FBXL4: variants seen among roughly 807,000 people sequenced by gnomAD.
The protein encoded by FBXL4 is F-box/LRR-repeat protein 4.
FBXL4 carries 40 observed loss-of-function variants against 58.9 expected under a neutral mutation model. The ratio of observed to expected loss-of-function variants is 0.68; its 90% CI spans 0.53 to 0.88. FBXL4 has a LOEUF of 0.88. Among genes scored for constraint, FBXL4 ranks in the 40% least tolerant of loss-of-function variants. FBXL4 has a pLI of 0.00. For synonymous variants in FBXL4, 263 were observed against 265.5 expected, an observed-to-expected ratio of 0.99 and a Z score of 0.09; for missense variants, 676 against 734.4, an observed-to-expected ratio of 0.92 and a Z score of 0.92.
chr6:98,883,801 A>G (rs989599603), intron 7 of FBXL4, among the ~76,000 whole-genome samples: 2 of 150,928 alleles, frequency 1.3e-5, no homozygotes, highest in African/African-American at 2.4e-5. Flanking sequence ...ATTATACTTC[A>G]TAAGTCTTTA....
intron 1 of FBXL4, among the ~76,000 whole-genome samples, chr6:98,939,794 GA>G (rs1247645968): frequency 6.6e-6 from 1 of 152,232 alleles, no homozygotes; most frequent in Non-Finnish European, 1.5e-5. Context: ...CACTAAGCAT[GA>G]TGAAAAATAC....
intron 9 of FBXL4, chr6:98,875,182 T>C (rs937531978): frequency 1.2e-5 from 6 of 521,500 alleles, no homozygotes; most frequent in Non-Finnish European, 2.0e-5. Context: ...TTATAGTTTT[T>C]TACAGTTTCA....
intron 8 of FBXL4, among the ~76,000 whole-genome samples, chr6:98,877,561 C>T (rs1159298596): frequency 6.6e-6 from 1 of 152,170 alleles, no homozygotes; most frequent in Non-Finnish European, 1.5e-5. Flanking sequence ...CAACCTATCC[C>T]TCCTTTATTA....
chr6:98,892,449 T>C (rs1771264583), intron 7 of FBXL4, among the ~76,000 whole-genome samples: 1 of 152,226 alleles, frequency 6.6e-6, no homozygotes, highest in South Asian at 2.1e-4. Flanking sequence ...CTGCAATGGC[T>C]CTTTTAAAAG....
At chr6:98,908,087 G>A (rs1025361861) in intron 5 of FBXL4, among the ~76,000 whole-genome samples, 1 of 152,108 alleles carries the variant, frequency 6.6e-6, no homozygotes. Flanking sequence ...ACCTGTTGAT[G>A]TGTAAAATAT....
intron 4 of FBXL4, 148 bp from the exon 5 acceptor site, chr6:98,917,867 T>C (rs935275334): frequency 1.9e-5 from 10 of 529,766 alleles, no homozygotes; most frequent in Admixed American, 1.8e-4. Flanking sequence ...TCCCAAGATA[T>C]AAAAAACTTT....
chr6:98,905,578 A>G lies in FBXL4; in HGVS notation c.951T>C (p.Pro317=), dbSNP rs1771776236. The G allele has an allele frequency of 6.2e-7, 1 of 1,614,004 alleles. No individual in the cohort carries two copies. The highest frequency in any genetic ancestry group is 1.7e-5 in the Admixed American group (1 of 59,988). ...GCAGATTGAGGTGGATGTATTGCAG[A>G]GGATCACAGCAATGCTGGCTCAGTA... The part of the protein sequence containing the change: ...CKLLSQHCCD[P]LQYIHLNLQP... Residue 317 remains proline, a synonymous_variant, in exon 6 of 10, where the codon CCT becomes CCC. Transcript: ENST00000369244.
intron 5 of FBXL4, among the ~76,000 whole-genome samples, chr6:98,911,278 A>G (rs1331289574): frequency 2.6e-5 from 4 of 152,200 alleles, no homozygotes; most frequent in Non-Finnish European, 4.4e-5. Context: ...AGACAGCAGT[A>G]ACCTCTGCAG....
At chr6:98,898,578 C>G (rs1771489399) in intron 7 of FBXL4, 1 of 946,222 alleles carries the variant, frequency 1.1e-6, no homozygotes, top group South Asian at 4.9e-5. Flanking sequence ...GCACTCCAGC[C>G]TGGGCAACAG....
In FBXL4 at chr6:98,870,836, T is replaced by A. The variant is rs190662556; in HGVS notation, c.*3442A>T. The A allele has an allele frequency of 8.5e-5, 13 of 152,260 alleles. No individual in the cohort carries two copies. The highest frequency in any genetic ancestry group is 2.4e-4 in the African/African-American group (10 of 41,540). The allele number at this position is 152,260 out of a possible 1,614,324, so 9.4% of individuals were successfully genotyped here. A position where few individuals can be genotyped will look rare whatever the true frequency, so the allele number is the denominator to read the frequency against. ...GTGGTTCATGCCTGTAATCCAAGCATTTTGGGAGGCTGAAGTGGGTGGATC... is the reference window on the plus strand; with the variant it reads ...GTGGTTCATGCCTGTAATCCAAGCAATTTGGGAGGCTGAAGTGGGTGGATC... On this transcript the variant is annotated 3_prime_UTR_variant, in exon 10 of 10. Transcript: ENST00000369244.
intron 7 of FBXL4, among the ~76,000 whole-genome samples, chr6:98,886,469 T>C (rs1029022220): frequency 6.6e-6 from 1 of 152,228 alleles, no homozygotes; most frequent in Non-Finnish European, 1.5e-5. Flanking sequence ...GACTATACTT[T>C]ATTTGCTAGA....
chr6:98,875,645 T>C lies in FBXL4; in HGVS notation c.1472A>G (p.Asn491Ser). 2.5e-6 allele frequency: 4 copies of C among 1,614,168 alleles called. No individual in the cohort carries two copies. Among genetic ancestry groups the C allele is most frequent in the Non-Finnish European group, 3.4e-6 (4 of 1,180,012 alleles). Residue 491 changes from asparagine to serine, a missense_variant, in exon 9 of 10, where the codon AAT becomes AGT. Transcript: ENST00000369244. ...LRTLDLWRCKNITENGIAELA... is the reference protein window; with the variant it reads ...LRTLDLWRCKSITENGIAELA... The stretch of plus-strand genomic sequence containing the variant: ...TTCTGCTATTCCATTCTCAGTAATA[T>C]TCTTACATCTCCACAGATCCAGGGT...
chr6:98,912,777 A>G (rs1372475266), intron 5 of FBXL4, among the ~76,000 whole-genome samples: 1 of 152,040 alleles, frequency 6.6e-6, no homozygotes, highest in Non-Finnish European at 1.5e-5. Context: ...ACTAACGAGC[A>G]ACATAACCAG....
intron 2 of FBXL4, among the ~76,000 whole-genome samples, chr6:98,929,086 T>C (rs950698106): frequency 1.3e-5 from 2 of 152,206 alleles, no homozygotes; most frequent in Non-Finnish European, 2.9e-5. Context: ...ATATTTGACA[T>C]GTTGATAGGT....
intron 5 of FBXL4, among the ~76,000 whole-genome samples, chr6:98,914,803 TG>T (rs1391981246): frequency 6.6e-6 from 1 of 152,180 alleles, no homozygotes; most frequent in African/African-American, 2.4e-5. Flanking sequence ...AACATAGTGT[TG>T]GAAGTTCTGG....
chr6:98,900,793 C>G (rs937368483), intron 6 of FBXL4, among the ~76,000 whole-genome samples: 3 of 152,142 alleles, frequency 2.0e-5, no homozygotes, highest in Non-Finnish European at 4.4e-5. Flanking sequence ...CGTGAACACC[C>G]GTTTATTCTA....
At chr6:98,884,534 T>G (rs1219487654) in intron 7 of FBXL4, among the ~76,000 whole-genome samples, 1 of 152,180 alleles carries the variant, frequency 6.6e-6, no homozygotes, top group East Asian at 1.9e-4. Flanking sequence ...ACTCCATTGC[T>G]TATGAGTCTC....
chr6:98,890,839 G>T (rs1489904989), intron 7 of FBXL4, among the ~76,000 whole-genome samples: 3 of 151,888 alleles, frequency 2.0e-5, no homozygotes, highest in Non-Finnish European at 4.4e-5. Context: ...GAATTGCTTG[G>T]ACTAGGGAGG....
chr6:98,887,250 A>G (rs1299820554), intron 7 of FBXL4, among the ~76,000 whole-genome samples: 1 of 152,226 alleles, frequency 6.6e-6, no homozygotes, highest in Non-Finnish European at 1.5e-5. Flanking sequence ...TAAGCGAATG[A>G]GCAAGAACCT....
Sources: allele counts gnomAD v4.1 joint callset (sites outside exome capture counted in the v4.1 genomes callset), GRCh38; gene constraint gnomAD v4.1.1; transcripts MANE v1.5; gene names NCBI Gene and HGNC (gene_info 2026-07-23, HGNC 2026-07-21).